REPS2: variants seen among roughly 807,000 people sequenced by gnomAD.
REPS2 encodes the protein ralBP1-associated Eps domain-containing protein 2.
In REPS2, 23 loss-of-function variants were observed where a neutral mutation model predicts 53.6. The ratio of observed to expected loss-of-function variants is 0.43; its 90% CI spans 0.31 to 0.61. The LOEUF (loss-of-function observed/expected upper bound fraction) is 0.61. Ranked by LOEUF, REPS2 falls within the 20% of genes least tolerant of loss-of-function variation. The pLI, the probability that REPS2 is intolerant of heterozygous loss-of-function variation, is 0.11. For missense variants in REPS2, 446 were observed against 534.9 expected, an observed-to-expected ratio of 0.83 and a Z score of 1.64; for synonymous variants, 238 against 218.6, an observed-to-expected ratio of 1.09 and a Z score of -0.78.
At chrX:17,040,073 A>T (rs2061812658) in intron 5 of REPS2, among the ~76,000 whole-genome samples, 1 of 112,766 alleles carries the variant, frequency 8.9e-6, no homozygotes, top group Admixed American at 9.4e-5. Context: ...ATATGTGGTT[A>T]AAGGCATCTT....
At position 17,052,376 on chromosome X, in the gene REPS2, T is replaced by C; in HGVS notation, c.908-6T>C. On this transcript the variant is annotated splice_polypyrimidine_tract_variant and splice_region_variant and intron_variant, in intron 6 of 17. Coordinates refer to ENST00000357277, the MANE Select transcript of REPS2 (RefSeq NM_004726.3). ...AATGGTTTATTTAAACAATGGCACTTGACAGGTTCTGTGGCCAAGAACTTC... is the reference window on the plus strand; with the variant it reads ...AATGGTTTATTTAAACAATGGCACTCGACAGGTTCTGTGGCCAAGAACTTC... 8.3e-7 allele frequency: 1 copy of C among 1,203,005 alleles called. No homozygotes were observed. Among genetic ancestry groups the C allele is most frequent in the Non-Finnish European group, 1.1e-6 (1 of 889,877 alleles).
At chrX:17,147,254 A>G (rs1398487115) in intron 17 of REPS2, among the ~76,000 whole-genome samples, 159 bp from the exon 18 acceptor site, 1 of 111,922 alleles carries the variant, frequency 8.9e-6, no homozygotes, top group East Asian at 2.8e-4. Context: ...GGTCACCAGC[A>G]TTAAATCTGA....
chrX:17,044,638 C>G (rs1201058031), intron 5 of REPS2: 1 of 111,995 alleles, frequency 8.9e-6, no homozygotes, highest in African/African-American at 3.3e-5. Flanking sequence ...CTGTTCTTGT[C>G]TTTCCTGCCC....
At chrX:17,049,168 C>G (rs1464170644) in intron 6 of REPS2, among the ~76,000 whole-genome samples, 1 of 112,248 alleles carries the variant, frequency 8.9e-6, no homozygotes, top group African/African-American at 3.2e-5. Context: ...GCTGGGATTG[C>G]AGGCATGAGC....
At chrX:17,107,918 T>C (rs1294166135) in intron 14 of REPS2, among the ~76,000 whole-genome samples, 2 of 110,941 alleles carry the variant, frequency 1.8e-5, no homozygotes, top group Non-Finnish European at 3.8e-5. Context: ...CTTTTGTTTG[T>C]TTTTGTTTTG....
In REPS2 at chrX:16,946,773, GCAGC is replaced by G. The variant is rs1265584355; in HGVS notation, c.-88_-85del. On this transcript the variant is annotated 5_prime_UTR_variant, in exon 1 of 18. Transcript: ENST00000357277. The stretch of plus-strand genomic sequence containing the variant: ...GGTGGTGGCGGCGGCGGCGGCGGCG[GCAGC>G]TGAGGCCGAGGAGGCGGTGGCTGTG... 481 of 758,040 alleles carry G rather than the reference GCAGC, an allele frequency of 6.3e-4. No individual in the cohort carries two copies. The highest frequency in any genetic ancestry group is 7.3e-4 in the Non-Finnish European group (472 of 645,424). The allele number at this position is 758,040 out of a possible 1,213,427, so 62.5% of individuals were successfully genotyped here.
At chrX:17,130,540 C>T (rs1323766646) in intron 14 of REPS2, among the ~76,000 whole-genome samples, 1 of 111,743 alleles carries the variant, frequency 8.9e-6, no homozygotes, top group Admixed American at 9.5e-5. Flanking sequence ...TTCTGTATTC[C>T]CCATACTTGC....
chrX:17,077,986 C>T (rs1194536895), intron 13 of REPS2, among the ~76,000 whole-genome samples: 1 of 112,069 alleles, frequency 8.9e-6, no homozygotes, highest in Non-Finnish European at 1.9e-5. Flanking sequence ...TTCTTGAGCC[C>T]GCAGTTGTGT....
chrX:17,065,577 G>C (rs2062213952), intron 9 of REPS2, among the ~76,000 whole-genome samples: 1 of 111,381 alleles, frequency 9.0e-6, no homozygotes, highest in South Asian at 3.7e-4. Context: ...AGTTTTGTTT[G>C]TTTGTTTTTT....
In REPS2 at chrX:17,123,786, A is replaced by G. The variant is rs781646948; in HGVS notation, c.1579-10038A>G. Among the ~76,000 whole-genome samples the G allele has an allele frequency of 3.6e-5, 4 of 112,506 alleles. No homozygotes were observed. The East Asian group carries it at 1.1e-3, about 31-fold the overall frequency. On this transcript the variant is annotated intron_variant, in intron 14 of 17. Coordinates refer to ENST00000357277, the MANE Select transcript of REPS2 (RefSeq NM_004726.3). Reference sequence around the variant, plus strand: ...CCAGTGGCACAGATTTAGACTGTGGATAGCCTGCTTTGTGGGATCTGCTTA... The same window carrying G: ...CCAGTGGCACAGATTTAGACTGTGGGTAGCCTGCTTTGTGGGATCTGCTTA...
chrX:17,148,833 A>T lies in REPS2; in HGVS notation c.*1352A>T, dbSNP rs780854226. The T allele has an allele frequency of 3.0e-6, 1 of 330,951 alleles. No homozygotes were observed. The highest frequency in any genetic ancestry group is 8.0e-5 in the East Asian group (1 of 12,514). The allele number at this position is 330,951 out of a possible 1,213,427, so 27.3% of individuals were successfully genotyped here. On this transcript the variant is annotated 3_prime_UTR_variant, in exon 18 of 18. Coordinates refer to ENST00000357277, the MANE Select transcript of REPS2 (RefSeq NM_004726.3). ...AATGCTGTCTCTTGTGCATTTTACT[A>T]ATTTCCCCATTCTTAGGGTAGCAGG...
At chrX:16,963,777 C>T (rs1017230929) in intron 1 of REPS2, among the ~76,000 whole-genome samples, 1 of 111,131 alleles carries the variant, frequency 9.0e-6, no homozygotes, top group Non-Finnish European at 1.9e-5. Flanking sequence ...CATCGTTCTT[C>T]CTAAGCACCT....
intron 1 of REPS2, among the ~76,000 whole-genome samples, chrX:17,005,925 C>G (rs888808717): frequency 2.7e-5 from 3 of 112,226 alleles, no homozygotes; most frequent in African/African-American, 9.7e-5. Flanking sequence ...AGTCACTCTC[C>G]TTTGTAACTA....
chrX:17,141,155 A>G (rs1251454272), intron 17 of REPS2, among the ~76,000 whole-genome samples: 1 of 111,898 alleles, frequency 8.9e-6, no homozygotes, highest in Non-Finnish European at 1.9e-5. Flanking sequence ...GATAGAGAAT[A>G]TTACCATCAC....
intron 1 of REPS2, among the ~76,000 whole-genome samples, chrX:16,983,535 C>G (rs755149419): frequency 3.6e-5 from 4 of 112,362 alleles, no homozygotes; most frequent in Non-Finnish European, 7.5e-5. Context: ...CAGGATCTCA[C>G]TGTGTTGCCC....
intron 1 of REPS2, among the ~76,000 whole-genome samples, chrX:16,984,905 G>A (rs1284077951): frequency 9.0e-6 from 1 of 110,586 alleles, no homozygotes; most frequent in Non-Finnish European, 1.9e-5. Flanking sequence ...CTGGTTTGAT[G>A]TGCTTGAATG....
At chrX:16,978,653 G>A in intron 1 of REPS2, 2 of 567,232 alleles carry the variant, frequency 3.5e-6, no homozygotes, top group African/African-American at 5.0e-5. Context: ...GTAGAAGAGG[G>A]GCACAGAATC....
At chrX:16,968,849 C>T (rs1296412916) in intron 1 of REPS2, among the ~76,000 whole-genome samples, 30 of 99,499 alleles carry the variant, frequency 3.0e-4, no homozygotes, top group Non-Finnish European at 3.5e-4. Flanking sequence ...CCCTCCCGGA[C>T]GGGGTGGCTG....
the REPS2 span, among the ~76,000 whole-genome samples, chrX:17,162,186 A>G: frequency 8.9e-6 from 1 of 111,886 alleles, no homozygotes; most frequent in East Asian, 2.8e-4. Context: ...GACCTATTTT[A>G]TAGTTCCCCG....
Sources: allele counts gnomAD v4.1 joint callset (sites outside exome capture counted in the v4.1 genomes callset), GRCh38; gene constraint gnomAD v4.1.1; transcripts MANE v1.5; gene names NCBI Gene and HGNC (gene_info 2026-07-23, HGNC 2026-07-21).